The following SH2D4B variants were observed in gnomAD, a reference collection of about 807,000 sequenced individuals.
SH2D4B encodes the protein SH2 domain-containing protein 4B.
SH2D4B carries 45 observed loss-of-function variants against 61.5 expected under a neutral mutation model. The observed-to-expected ratio is 0.73, with a 90% CI of 0.58 to 0.94. SH2D4B has a LOEUF of 0.94. Among genes scored for constraint, SH2D4B ranks in the 40% least tolerant of loss-of-function variants. The pLI, the probability that SH2D4B is intolerant of heterozygous loss-of-function variation, is 0.00. For synonymous variants in SH2D4B, 224 were observed against 220.4 expected (o/e 1.02, Z -0.14); for missense variants, 572 against 574.2 (o/e 1.00, Z 0.04).
At chr10:80,627,407 G>T (rs1337963848) in intron 6 of SH2D4B, among the ~76,000 whole-genome samples, 1 of 152,086 alleles carries the variant, frequency 6.6e-6, no homozygotes, top group African/African-American at 2.4e-5. Flanking sequence ...CCATTGCCCA[G>T]CTCCCAGCTT....
chr10:80,540,752 G>T, intron 1 of SH2D4B: 1 of 1,428,502 alleles, frequency 7.0e-7, no homozygotes. Flanking sequence ...TGCTTGTCCT[G>T]GAGACGGTGG....
chr10:80,629,651 A>G (rs1430370031), intron 6 of SH2D4B, among the ~76,000 whole-genome samples: 10 of 152,196 alleles, frequency 6.6e-5, no homozygotes, highest in Non-Finnish European at 1.5e-5. Context: ...GCACTAACAC[A>G]TGTGTAGAAT....
chr10:80,605,766 G>A (rs1345769222), intron 5 of SH2D4B, among the ~76,000 whole-genome samples: 1 of 152,174 alleles, frequency 6.6e-6, no homozygotes, highest in Non-Finnish European at 1.5e-5. Context: ...TGATCCACCT[G>A]CCTTGGCCTC....
At chr10:80,569,269 G>A (rs776904805) in intron 1 of SH2D4B, among the ~76,000 whole-genome samples, 13 of 152,122 alleles carry the variant, frequency 8.5e-5, no homozygotes, top group South Asian at 4.1e-4. Context: ...AGTGCAGAGC[G>A]GGCCCACCAT....
At chr10:80,602,149 C>T (rs944766329) in intron 4 of SH2D4B, among the ~76,000 whole-genome samples, 3 of 152,298 alleles carry the variant, frequency 2.0e-5, no homozygotes, top group Admixed American at 6.5e-5. Context: ...AGACAGGGCC[C>T]TTCCTTGAGG....
chr10:80,594,309 G>A (rs950677626), intron 4 of SH2D4B, among the ~76,000 whole-genome samples: 12 of 152,134 alleles, frequency 7.9e-5, no homozygotes, highest in Admixed American at 6.5e-4. Context: ...CATATACTGA[G>A]CTAGTCTCAC....
intron 5 of SH2D4B, among the ~76,000 whole-genome samples, chr10:80,605,286 C>CTT (rs34390639): frequency 0.026 from 3,908 of 150,360 alleles, 130 homozygotes; most frequent in African/African-American, 0.082. Flanking sequence ...TCTATTTAGG[C>CTT]TTTTTTTTTA....
At chr10:80,590,460 A>C (rs1201749941) in intron 4 of SH2D4B, among the ~76,000 whole-genome samples, 1 of 152,208 alleles carries the variant, frequency 6.6e-6, no homozygotes, top group East Asian at 1.9e-4. Context: ...CAGATGTCAA[A>C]AAATCAGAAA....
intron 3 of SH2D4B, among the ~76,000 whole-genome samples, chr10:80,574,829 T>C (rs1468155931): frequency 1.3e-5 from 2 of 152,160 alleles, no homozygotes; most frequent in African/African-American, 4.8e-5. Context: ...GCCTCTCAAG[T>C]AGCTGGGATT....
intron 6 of SH2D4B, among the ~76,000 whole-genome samples, chr10:80,623,204 C>T (rs1189346385): frequency 3.9e-5 from 6 of 152,234 alleles, no homozygotes; most frequent in African/African-American, 9.6e-5. Context: ...CGTGAGCCGC[C>T]GTGCCTGGCC....
rs190298722 is a variant in SH2D4B at position 80,637,989 on chromosome 10, G to A, written c.1209+3484G>A. ...GTACCTAGTTTATTGAGAGTTTTTA[G>A]CATGAAGGGCTGCTGAATTTTGTCA... is the stretch of plus-strand genomic sequence containing the variant. On this transcript the variant is annotated intron_variant, in intron 7 of 7. Transcript: ENST00000646907. 1.6e-3 allele frequency among the ~76,000 whole-genome samples: 250 copies of A among 152,254 alleles called. No homozygotes were observed. The Middle Eastern group carries it at 0.017, about 10-fold the overall frequency.
intron 1 of SH2D4B, among the ~76,000 whole-genome samples, chr10:80,546,670 C>T (rs1334830188): frequency 6.6e-6 from 1 of 152,062 alleles, no homozygotes; most frequent in African/African-American, 2.4e-5. Context: ...GACCTACAGG[C>T]GCCCACCACC....
intron 3 of SH2D4B, among the ~76,000 whole-genome samples, chr10:80,583,295 C>A (rs201687515): frequency 2.0e-5 from 3 of 151,762 alleles, no homozygotes; most frequent in African/African-American, 7.3e-5. Context: ...GGAAATTACA[C>A]GTGATAGCTG....
At chr10:80,542,305 C>T (rs796076425) in intron 1 of SH2D4B, among the ~76,000 whole-genome samples, 6 of 152,124 alleles carry the variant, frequency 3.9e-5, no homozygotes, top group African/African-American at 1.4e-4. Flanking sequence ...TTCTCAGGGC[C>T]AGAGCTGGGT....
At chr10:80,596,611 G>C (rs561972089) in intron 4 of SH2D4B, among the ~76,000 whole-genome samples, 3 of 152,220 alleles carry the variant, frequency 2.0e-5, no homozygotes, top group South Asian at 2.1e-4. Flanking sequence ...CCATGCACAG[G>C]TAGTTCCTCA....
At chr10:80,569,922 T>A (rs140816034) in intron 1 of SH2D4B, among the ~76,000 whole-genome samples, 25 of 152,196 alleles carry the variant, frequency 1.6e-4, no homozygotes, top group Non-Finnish European at 2.4e-4. Flanking sequence ...GAGAGCTCAG[T>A]CTTGGACGCC....
At chr10:80,566,330 C>G (rs1161621799) in intron 1 of SH2D4B, among the ~76,000 whole-genome samples, 11 of 146,664 alleles carry the variant, frequency 7.5e-5, no homozygotes, top group Non-Finnish European at 1.3e-4. Flanking sequence ...GAGTCTCACT[C>G]TGTTTCCCAG....
intron 7 of SH2D4B, among the ~76,000 whole-genome samples, chr10:80,642,666 T>G (rs1311327348): frequency 1.3e-5 from 2 of 152,222 alleles, no homozygotes; most frequent in African/African-American, 2.4e-5. Context: ...TAATTACCCA[T>G]TCTCCTTTTG....
chr10:80,604,733 C>T (rs1842495611), intron 5 of SH2D4B, among the ~76,000 whole-genome samples: 1 of 151,940 alleles, frequency 6.6e-6, no homozygotes, highest in Non-Finnish European at 1.5e-5. Context: ...ATGGCTGACT[C>T]CCTCTCTCCC....
Sources: gnomAD v4.1 joint callset for allele counts (sites outside exome capture counted in the v4.1 genomes callset) on GRCh38, gnomAD v4.1.1 for gene constraint, MANE v1.5 for transcripts, NCBI Gene and HGNC (gene_info 2026-07-23, HGNC 2026-07-21) for gene names.